Variants in MAP3K9 observed in about 807,000 individuals in gnomAD.
The protein encoded by MAP3K9 is mitogen-activated protein kinase kinase kinase 9.
MAP3K9 carries 46 observed loss-of-function variants against 95.8 expected under a neutral mutation model. That is an observed-to-expected ratio of 0.48 (90% CI 0.38 to 0.61). The LOEUF (loss-of-function observed/expected upper bound fraction) is 0.61, where lower values mean the gene tolerates loss of function less well. MAP3K9 is among the 20% of genes least tolerant of loss of function. The probability of loss-of-function intolerance (pLI) is 0.00; values close to 1 mark genes in which losing one functional copy is unlikely to be tolerated. For synonymous variants in MAP3K9, 533 were observed against 593.8 expected (o/e 0.90, Z 1.49); for missense variants, 1,296 against 1,474.3 (o/e 0.88, Z 1.98).
intron 2 of MAP3K9, among the ~76,000 whole-genome samples, chr14:70,769,785 G>C (rs1402759047): frequency 6.6e-6 from 1 of 152,106 alleles, no homozygotes. Flanking sequence ...ATTTGTCTAT[G>C]TGTCCTTATA....
At chr14:70,807,129 AGAAAAAGAAGAG>A in intron 1 of MAP3K9, among the ~76,000 whole-genome samples, 1 of 152,260 alleles carries the variant, frequency 6.6e-6, no homozygotes, top group Non-Finnish European at 1.5e-5. Flanking sequence ...AAACACCAAC[AGAAAAAGAAGAG>A]CAGAAAAACA....
rs547279995 is a variant in MAP3K9, at chr14:70,803,633, A to G, written c.407-2553T>C. On this transcript the variant is annotated intron_variant, in intron 1 of 11. Transcript: ENST00000554752. Reference sequence around the variant, plus strand: ...TAGCCCATCTGTATTTTGTAATGCAACTGGCAGTCTGCACAAAGGAAACTC... The same window carrying G: ...TAGCCCATCTGTATTTTGTAATGCAGCTGGCAGTCTGCACAAAGGAAACTC... Among the ~76,000 whole-genome samples, 5 of 152,322 alleles carry G rather than the reference A, an allele frequency of 3.3e-5. No homozygotes were observed. In the East Asian group the frequency reaches 9.6e-4, roughly 29 times the overall value.
intron 2 of MAP3K9, among the ~76,000 whole-genome samples, chr14:70,766,708 G>T (rs1276158669): frequency 6.6e-6 from 1 of 152,172 alleles, no homozygotes; most frequent in Non-Finnish European, 1.5e-5. Flanking sequence ...GTCAGTGAGG[G>T]ATGGGGAAGG....
chr14:70,763,488 AC>A (rs1776833465), intron 2 of MAP3K9, among the ~76,000 whole-genome samples: 1 of 151,244 alleles, frequency 6.6e-6, no homozygotes, highest in African/African-American at 2.4e-5. Context: ...CATACATAAT[AC>A]CTGATAATGC....
rs2053890641 is a variant in MAP3K9 at position 70,730,819 on chromosome 14, G to A, written c.2876C>T (p.Pro959Leu). ...PSPSRDPGEF[P>L]RLPDPNVVFP... ...GACCACATTGGGGTCAGGGAGACGG[G>A]GGAATTCACCTGGGTCTCGGCTGGG... Residue 959 changes from proline to leucine, a missense_variant, in exon 12 of 12, where the codon CCC becomes CTC. By Grantham distance (98) the Pro-to-Leu change is moderately conservative. Coordinates refer to ENST00000554752, the MANE Select transcript of MAP3K9 (RefSeq NM_001284230.2). The A allele has an allele frequency of 6.2e-7, 1 of 1,611,864 alleles. No individual in the cohort carries two copies. Among genetic ancestry groups the A allele is most frequent in the Non-Finnish European group, 8.5e-7 (1 of 1,179,842 alleles).
chr14:70,757,471 A>G (rs2054313140), intron 3 of MAP3K9, among the ~76,000 whole-genome samples: 1 of 152,082 alleles, frequency 6.6e-6, no homozygotes, highest in Admixed American at 6.6e-5. Context: ...AAAAAAAAAA[A>G]AAGGGTGTAA....
intron 2 of MAP3K9, among the ~76,000 whole-genome samples, chr14:70,779,125 G>C (rs2054640045): frequency 6.6e-6 from 1 of 152,214 alleles, no homozygotes; most frequent in Non-Finnish European, 1.5e-5. Context: ...CTTGTAGCTG[G>C]AGCAGAACTT....
intron 7 of MAP3K9, 149 bp from the exon 8 acceptor site, chr14:70,738,547 C>T (rs1350745451): frequency 1.5e-6 from 1 of 651,612 alleles, no homozygotes; most frequent in African/African-American, 1.8e-5. Flanking sequence ...TGGACCCTTC[C>T]AGGAAAGTAA....
At position 70,732,733 on chromosome 14, in the gene MAP3K9, G is replaced by T; in HGVS notation, c.2636C>A (p.Pro879His). The T allele has an allele frequency of 3.7e-6, 6 of 1,605,568 alleles. No individual in the cohort carries two copies. The highest frequency in any genetic ancestry group is 5.1e-6 in the Non-Finnish European group (6 of 1,173,776). ...GCGCTCTACTCGGACATTGACCAGG[G>T]GGTTGTGGGTACATGGACTCAGGGG... ...APPLSPCTHN[P>H]LVNVRVERFK... is the part of the protein sequence containing the mutation. Residue 879 changes from proline to histidine, a missense_variant, in exon 11 of 12, where the codon CCC becomes CAC. Around this residue, in one of 5 missense-constraint regions of MAP3K9, gnomAD observed 433 missense variants for 441.4 expected, o/e 0.98. Transcript: ENST00000554752.
At chr14:70,767,870 A>G (rs1458370756) in intron 2 of MAP3K9, among the ~76,000 whole-genome samples, 1 of 152,012 alleles carries the variant, frequency 6.6e-6, no homozygotes, top group Non-Finnish European at 1.5e-5. Flanking sequence ...TATTTTTTGT[A>G]TTGACCGGTT....
At chr14:70,749,729 C>T in intron 4 of MAP3K9, 3 of 531,506 alleles carry the variant, frequency 5.6e-6, no homozygotes, top group South Asian at 3.4e-5. Flanking sequence ...TTCACTTCTA[C>T]AGTCCCTGGA....
intron 2 of MAP3K9, among the ~76,000 whole-genome samples, chr14:70,792,471 A>G (rs2054817345): frequency 6.6e-6 from 1 of 152,234 alleles, no homozygotes; most frequent in African/African-American, 2.4e-5. Flanking sequence ...CCTCTCAAAA[A>G]GGACCAAGAC....
At position 70,732,617 on chromosome 14, in the gene MAP3K9, CAGA is replaced by C. The variant is rs1179787030; in HGVS notation, c.2749_2751del (p.Ser917del). The C allele has an allele frequency of 1.2e-5, 19 of 1,606,932 alleles. No homozygotes were observed. Among genetic ancestry groups the C allele is most frequent in the Admixed American group, 5.1e-5 (3 of 59,266 alleles). ...AGAGTCTCTGGCTTAAGGGCCCCATCAGAAGGAGTCCGCCGGTGACTGCTGGGC... is the reference window on the plus strand; with the variant it reads ...AGAGTCTCTGGCTTAAGGGCCCCATCAGGAGTCCGCCGGTGACTGCTGGGC... On this transcript the variant is annotated inframe_deletion, in exon 11 of 12. Coordinates refer to ENST00000554752, the MANE Select transcript of MAP3K9 (RefSeq NM_001284230.2).
chr14:70,773,110 T>G (rs1203483748), intron 2 of MAP3K9, among the ~76,000 whole-genome samples: 1 of 152,228 alleles, frequency 6.6e-6, no homozygotes, highest in African/African-American at 2.4e-5. Context: ...CAAAGATACC[T>G]TTCAGTAACC....
chr14:70,765,248 T>A (rs2054434019), intron 2 of MAP3K9, among the ~76,000 whole-genome samples: 2 of 152,178 alleles, frequency 1.3e-5, no homozygotes, highest in South Asian at 4.1e-4. Context: ...AAGAATTGCT[T>A]GAACTTGGGA....
At chr14:70,804,548 A>G (rs2054968731) in intron 1 of MAP3K9, among the ~76,000 whole-genome samples, 1 of 152,160 alleles carries the variant, frequency 6.6e-6, no homozygotes, top group Admixed American at 6.5e-5. Flanking sequence ...TATTTCCTCA[A>G]CTGAGTATCT....
chr14:70,788,395 C>T (rs973448761), intron 2 of MAP3K9, among the ~76,000 whole-genome samples: 2 of 152,314 alleles, frequency 1.3e-5, no homozygotes, highest in South Asian at 4.1e-4. Flanking sequence ...AAGAACTTCA[C>T]CTAGATGATC....
At chr14:70,769,879 C>A (rs2054507644) in intron 2 of MAP3K9, among the ~76,000 whole-genome samples, 1 of 152,172 alleles carries the variant, frequency 6.6e-6, no homozygotes, top group African/African-American at 2.4e-5. Flanking sequence ...GATGGTATTT[C>A]CAAATTTCAC....
Position 70,733,080 on chromosome 14 carries a change from T to G in MAP3K9, c.2289A>C (p.Thr763=), listed in dbSNP as rs754726743. ...LLGCGAVLAA[T]GLGFDLLEAG... is the part of the protein sequence containing the mutation. Reference sequence around the variant, plus strand: ...CTTCCAGCAAGTCAAACCCTAGGCCTGTGGCTGCCAGAACAGCCCCACAGC... The same window carrying G: ...CTTCCAGCAAGTCAAACCCTAGGCCGGTGGCTGCCAGAACAGCCCCACAGC... The change falls in exon 11 of 12, where the codon ACA becomes ACC. Residue 763 remains threonine, a synonymous_variant. Coordinates refer to ENST00000554752, the MANE Select transcript of MAP3K9 (RefSeq NM_001284230.2). The G allele has an allele frequency of 7.4e-6, 12 of 1,614,074 alleles. No individual in the cohort carries two copies. In the East Asian group the frequency reaches 2.5e-4, roughly 33 times the overall value.
Sources: gnomAD v4.1 joint callset for allele counts (sites outside exome capture counted in the v4.1 genomes callset) on GRCh38, gnomAD v4.1.1 for gene constraint, gnomAD v4.1.1 regional missense constraint, MANE v1.5 for transcripts, NCBI Gene and HGNC (gene_info 2026-07-23, HGNC 2026-07-21) for gene names.